Variants in DIO2 observed in about 807,000 individuals in gnomAD.
The protein encoded by DIO2 is iodothyronine deiodinase 2.
Under a neutral mutation model 21.4 loss-of-function variants are expected in DIO2, and 19 were observed. The ratio of observed to expected loss-of-function variants is 0.89; its 90% CI spans 0.62 to 1.30. The LOEUF (loss-of-function observed/expected upper bound fraction) is 1.30, where lower values mean the gene tolerates loss of function less well. DIO2 is among the 50% of genes most tolerant of loss of function. The pLI is 0.00. For synonymous variants in DIO2, 122 were observed against 132.9 expected (o/e 0.92, Z 0.57); for missense variants, 302 against 338.1 (o/e 0.89, Z 0.84).
intron 2 of DIO2, among the ~76,000 whole-genome samples, chr14:80,227,404 G>A (rs1888598100): frequency 6.6e-6 from 1 of 152,316 alleles, no homozygotes; most frequent in South Asian, 2.1e-4. Context: ...CAATGCTGCT[G>A]TGCCTGAACC....
chr14:80,230,810 A>G (rs1888671350), intron 2 of DIO2: 1 of 152,196 alleles, frequency 6.6e-6, no homozygotes, highest in Non-Finnish European at 1.5e-5. Context: ...TTCCTCTAGA[A>G]TCACTCCTGG....
intron 1 of DIO2, among the ~76,000 whole-genome samples, chr14:80,208,795 C>T (rs1182661773): frequency 2.6e-5 from 4 of 152,182 alleles, no homozygotes; most frequent in Non-Finnish European, 5.9e-5. Context: ...AACCACCACC[C>T]TTGCCATACT....
intron 2 of DIO2, among the ~76,000 whole-genome samples, chr14:80,225,480 G>T (rs879435447): frequency 6.6e-6 from 1 of 152,164 alleles, no homozygotes; most frequent in Non-Finnish European, 1.5e-5. Context: ...GAAATAAAAT[G>T]AAGATATTAT....
chr14:80,216,944 T>C (rs761651085), intron 2 of DIO2, among the ~76,000 whole-genome samples: 2 of 152,182 alleles, frequency 1.3e-5, no homozygotes, highest in Non-Finnish European at 2.9e-5. Flanking sequence ...ATCACCTCCC[T>C]CATATGCTGA....
In DIO2 at chr14:80,197,795, C is replaced by G. The variant is rs1887538905; in HGVS notation, c.*4894G>C. 1.3e-5 allele frequency: 2 copies of G among 152,738 alleles called. No individual in the cohort carries two copies. Among genetic ancestry groups the G allele is most frequent in the African/African-American group, 4.8e-5 (2 of 41,566 alleles). 9.5% of individuals were successfully genotyped at this position (152,738 alleles called of 1,614,324 possible). On this transcript the variant is annotated 3_prime_UTR_variant, in exon 2 of 2. Transcript: ENST00000438257. Reference sequence around the variant, plus strand: ...GCAAACTAATGTGACTACATCCAACCACTAACTGAGTCGATGACTCTTTCG... The same window carrying G: ...GCAAACTAATGTGACTACATCCAACGACTAACTGAGTCGATGACTCTTTCG...
At chr14:80,209,030 T>C (rs1021054903) in intron 1 of DIO2, among the ~76,000 whole-genome samples, 3 of 152,140 alleles carry the variant, frequency 2.0e-5, no homozygotes, top group African/African-American at 7.2e-5. Context: ...AATAGGAATA[T>C]ACAAACCATA....
At position 80,202,525 on chromosome 14, in the gene DIO2, G is replaced by T; in HGVS notation, c.*164C>A. 1.3e-6 allele frequency: 1 copy of T among 758,248 alleles called. No homozygotes were observed. Among genetic ancestry groups the T allele is most frequent in the Non-Finnish European group, 2.2e-6 (1 of 463,492 alleles). 47.0% of individuals were successfully genotyped at this position (758,248 alleles called of 1,614,324 possible). A position where few individuals can be genotyped will look rare whatever the true frequency, so the allele number is the denominator to read the frequency against. The stretch of plus-strand genomic sequence containing the variant: ...ACTTACTCAGCCCAATGCCATTTGA[G>T]TAGTGAAAGAAGTATGGAGCTGTTA... On this transcript the variant is annotated 3_prime_UTR_variant, in exon 2 of 2. Transcript: ENST00000438257.
At chr14:80,213,602 C>A (rs938452610), upstream of DIO2, among the ~76,000 whole-genome samples, 2 of 152,176 alleles carry the variant, frequency 1.3e-5, no homozygotes, top group African/African-American at 4.8e-5. Flanking sequence ...ACTTTGTTCA[C>A]TGCTACCTCC....
rs981085680 is a variant in DIO2, at chr14:80,199,092, G to C, written c.*3597C>G. ...TCTTGCTTCGCACATAGGCCATAGGGCATGCTGAGGACACCTTGTAATCCA... is the reference window on the plus strand; with the variant it reads ...TCTTGCTTCGCACATAGGCCATAGGCCATGCTGAGGACACCTTGTAATCCA... On this transcript the variant is annotated 3_prime_UTR_variant, in exon 2 of 2. Transcript: ENST00000438257. 3 of 152,194 alleles carry C rather than the reference G, an allele frequency of 2.0e-5. No individual in the cohort carries two copies. Among genetic ancestry groups the C allele is most frequent in the African/African-American group, 7.2e-5 (3 of 41,442 alleles). The allele number at this position is 152,194 out of a possible 1,614,324, so 9.4% of individuals were successfully genotyped here.
intron 2 of DIO2, among the ~76,000 whole-genome samples, chr14:80,222,294 C>T (rs543699399): frequency 1.3e-5 from 2 of 152,230 alleles, no homozygotes; most frequent in South Asian, 4.2e-4. Flanking sequence ...AAGAGCTAAA[C>T]ATTGAGTGAT....
intron 1 of DIO2, among the ~76,000 whole-genome samples, chr14:80,210,229 G>C (rs574698897): frequency 1.3e-5 from 2 of 152,308 alleles, no homozygotes; most frequent in South Asian, 2.1e-4. Flanking sequence ...ACCTTTAGAA[G>C]TCATATGGGC....
rs1264656594 is a variant in DIO2 at position 80,198,590 on chromosome 14, T to G, written c.*4099A>C. ...GCTCTCCCATCCTAGATCCTCTCTT[T>G]TCTTAGAGAGCCTCAGGACATGACC... On this transcript the variant is annotated 3_prime_UTR_variant, in exon 2 of 2. Transcript: ENST00000438257. The G allele has an allele frequency of 6.6e-6, 1 of 152,126 alleles. No homozygotes were observed. The highest frequency in any genetic ancestry group is 1.5e-5 in the Non-Finnish European group (1 of 68,028). The allele number at this position is 152,126 out of a possible 1,614,324, so 9.4% of individuals were successfully genotyped here.
Position 80,203,296 on chromosome 14 carries a change from TAA to T in DIO2, c.223-10_223-9del, listed in dbSNP as rs5809986. 40,294 of 1,304,480 alleles carry T rather than the reference TAA, an allele frequency of 0.031. No homozygotes were observed. Among genetic ancestry groups the T allele is most frequent in the South Asian group, 0.062 (3,729 of 60,200 alleles). 80.8% of individuals were successfully genotyped at this position (1,304,480 alleles called of 1,614,324 possible). On this transcript the variant is annotated splice_polypyrimidine_tract_variant and intron_variant, in intron 1 of 1. Coordinates refer to ENST00000438257, the MANE Select transcript of DIO2 (RefSeq NM_013989.5). ...ATCCTCACCCAATTTCACCTGACGG[TAA>T]AAAAAAAAAAAAAGAAGAAGAAGAA...
rs1218491988 is a variant in DIO2 at position 80,201,512 on chromosome 14, T to C, written c.*1177A>G. 1 of 152,174 alleles carries C rather than the reference T, an allele frequency of 6.6e-6. No homozygotes were observed. The highest frequency in any genetic ancestry group is 6.5e-5 in the Admixed American group (1 of 15,282). 9.4% of individuals were successfully genotyped at this position (152,174 alleles called of 1,614,324 possible). A position where few individuals can be genotyped will look rare whatever the true frequency, so the allele number is the denominator to read the frequency against. ...ATATTTGTATGTATGTATGTATGTG[T>C]GTATGTACGTATAATTTCTTCAGCT... is the stretch of plus-strand genomic sequence containing the variant. On this transcript the variant is annotated 3_prime_UTR_variant, in exon 2 of 2. Coordinates refer to ENST00000438257, the MANE Select transcript of DIO2 (RefSeq NM_013989.5).
Position 80,198,239 on chromosome 14 carries a change from C to T in DIO2, c.*4450G>A, listed in dbSNP as rs962733413. On this transcript the variant is annotated 3_prime_UTR_variant, in exon 2 of 2. Coordinates refer to ENST00000438257, the MANE Select transcript of DIO2 (RefSeq NM_013989.5). ...TCTCAGTAAATATTGAATAAGCTCCCTGGAGCTCTGCTGTTGCTGCCTAAG... is the reference window on the plus strand; with the variant it reads ...TCTCAGTAAATATTGAATAAGCTCCTTGGAGCTCTGCTGTTGCTGCCTAAG... 2 of 152,594 alleles carry T rather than the reference C, an allele frequency of 1.3e-5. No homozygotes were observed. The highest frequency in any genetic ancestry group is 2.4e-5 in the African/African-American group (1 of 41,430). The allele number at this position is 152,594 out of a possible 1,614,324, so 9.5% of individuals were successfully genotyped here.
intron 2 of DIO2, among the ~76,000 whole-genome samples, chr14:80,228,701 C>A (rs1281240532): frequency 6.6e-6 from 1 of 152,156 alleles, no homozygotes; most frequent in Non-Finnish European, 1.5e-5. Flanking sequence ...TATGTCTATA[C>A]CAATTGTGCA....
rs373866412 is a variant in DIO2, at chr14:80,224,104, A to C, written c.-277-7367T>G. ...CCCCTCTTCTAAATATTTCAGTAGC[A>C]TTAAATCATGTAATCTTCATAACAA... is the stretch of plus-strand genomic sequence containing the variant. On this transcript the variant is annotated intron_variant, in intron 2 of 4. Transcript: ENST00000553594. Among the ~76,000 whole-genome samples the C allele has an allele frequency of 4.6e-5, 7 of 152,214 alleles. No individual in the cohort carries two copies. The East Asian group carries it at 5.8e-4, about 13-fold the overall frequency.
intron 1 of DIO2, 26 bp downstream of exon 1, chr14:80,211,225 G>A (rs1450533459): frequency 1.3e-6 from 2 of 1,596,844 alleles, no homozygotes; most frequent in Non-Finnish European, 1.7e-6. Context: ...TAGACCTAGG[G>A]AGAAGCCCTT....
intron 1 of DIO2, among the ~76,000 whole-genome samples, chr14:80,207,815 A>T (rs1888008368): frequency 6.6e-6 from 1 of 152,056 alleles, no homozygotes; most frequent in Admixed American, 6.6e-5. Context: ...ATCATTCCCC[A>T]ATGTTTTATC....
Sources: allele counts gnomAD v4.1 joint callset (sites outside exome capture counted in the v4.1 genomes callset), GRCh38; gene constraint gnomAD v4.1.1; transcripts MANE v1.5; gene names NCBI Gene and HGNC (gene_info 2026-07-23, HGNC 2026-07-21).